IRAG1: variants seen among roughly 807,000 people sequenced by gnomAD.
The protein encoded by IRAG1 is inositol 1,4,5-triphosphate receptor associated 1.
A neutral mutation model predicts 106.2 loss-of-function variants in IRAG1; 62 were observed. The observed-to-expected ratio is 0.58, with a 90% confidence interval of 0.48 to 0.72. IRAG1 has a LOEUF of 0.72. IRAG1 is among the 30% of genes least tolerant of loss of function. The pLI is 0.00. For missense variants in IRAG1, 1,064 were observed against 1,140.7 expected, an observed-to-expected ratio of 0.93 and a Z score of 0.97; for synonymous variants, 462 against 443.9, an observed-to-expected ratio of 1.04 and a Z score of -0.51.
intron 18 of IRAG1, chr11:10,585,941 C>T (rs1262686893): frequency 6.6e-6 from 1 of 151,150 alleles, no homozygotes; most frequent in Admixed American, 6.6e-5. Flanking sequence ...GAACCCCCAC[C>T]TTTCTTTCAA....
intron 15 of IRAG1, among the ~76,000 whole-genome samples, chr11:10,599,273 A>G (rs1405323773): frequency 1.3e-5 from 2 of 152,260 alleles, no homozygotes; most frequent in Non-Finnish European, 2.9e-5. Flanking sequence ...TCTATATTCC[A>G]GTATTATATA....
At chr11:10,626,714 G>A in intron 8 of IRAG1, 131 bp from the exon 9 acceptor site, 1 of 1,080,948 alleles carries the variant, frequency 9.3e-7, no homozygotes. Flanking sequence ...TGTGTATGGG[G>A]TATGAGTGGA....
At chr11:10,672,687 T>C (rs2135120589) in intron 1 of IRAG1, among the ~76,000 whole-genome samples, 1 of 152,292 alleles carries the variant, frequency 6.6e-6, no homozygotes, top group Admixed American at 6.5e-5. Flanking sequence ...TCGACTAGGA[T>C]GTGAAGAAAC....
At chr11:10,673,959 A>T in intron 1 of IRAG1, among the ~76,000 whole-genome samples, 1 of 152,154 alleles carries the variant, frequency 6.6e-6, no homozygotes, top group Middle Eastern at 3.2e-3. Flanking sequence ...AGATGAAGGG[A>T]CAGGGACACG....
chr11:10,693,372 AC>A (rs747333665), intron 1 of IRAG1, 163 bp downstream of exon 1: 1 of 1,317,886 alleles, frequency 7.6e-7, no homozygotes, highest in Non-Finnish European at 1.0e-6. Context: ...TAAGACAGCA[AC>A]AATAAAGATA....
chr11:10,615,720 G>T (rs1197118379), intron 10 of IRAG1, among the ~76,000 whole-genome samples: 3 of 151,892 alleles, frequency 2.0e-5, no homozygotes, highest in Admixed American at 2.0e-4. Flanking sequence ...CTCATAGGCG[G>T]GAATTGAACA....
At chr11:10,604,135 C>A (rs1255198010) in intron 13 of IRAG1, among the ~76,000 whole-genome samples, 1 of 152,152 alleles carries the variant, frequency 6.6e-6, no homozygotes, top group Non-Finnish European at 1.5e-5. Flanking sequence ...ATCCCTGGCG[C>A]CTGAAAGTAG....
At chr11:10,675,794 C>T (rs1328919541) in intron 1 of IRAG1, among the ~76,000 whole-genome samples, 1 of 152,178 alleles carries the variant, frequency 6.6e-6, no homozygotes, top group Admixed American at 6.5e-5. Flanking sequence ...AAGAGTGCTG[C>T]GGTCTTTACT....
intron 1 of IRAG1, chr11:10,690,295 C>T (rs1308820486): frequency 1.2e-5 from 10 of 825,878 alleles, no homozygotes; most frequent in Non-Finnish European, 1.2e-5. Flanking sequence ...GAGGCTGAGG[C>T]ATGAGAATTG....
intron 1 of IRAG1, among the ~76,000 whole-genome samples, chr11:10,660,535 G>T (rs566126072): frequency 6.6e-6 from 1 of 152,156 alleles, no homozygotes; most frequent in Non-Finnish European, 1.5e-5. Context: ...AGAGCTGGCC[G>T]TGGAACATTG....
At position 10,574,643 on chromosome 11, in the gene IRAG1, AGAG is replaced by A. The variant is rs1232829296; in HGVS notation, c.*1686_*1688del. Reference sequence around the variant, plus strand: ...GGTCGAGAAGAGTGACCTGAAGAAAAGAGAAGAACAGCTGGAAAAAAAACTAGT... The same window carrying A: ...GGTCGAGAAGAGTGACCTGAAGAAAAAAGAACAGCTGGAAAAAAAACTAGT... On this transcript the variant is annotated 3_prime_UTR_variant, in exon 21 of 21. Transcript: ENST00000423302. 1 of 152,220 alleles carries A rather than the reference AGAG, an allele frequency of 6.6e-6. No homozygotes were observed. The highest frequency in any genetic ancestry group is 1.9e-4 in the East Asian group (1 of 5,204). 9.4% of individuals were successfully genotyped at this position (152,220 alleles called of 1,614,324 possible).
rs1350966497 is a variant in IRAG1 at position 10,574,232 on chromosome 11, T to C, written c.*2100A>G. On this transcript the variant is annotated 3_prime_UTR_variant, in exon 21 of 21. Transcript: ENST00000423302. ...ACTGAAAAACAGAATAAGCTGAGGT[T>C]AAGAAAGATGTTGCTTTTTGCATTG... The C allele has an allele frequency of 2.6e-5, 4 of 152,222 alleles. No homozygotes were observed. Among genetic ancestry groups the C allele is most frequent in the Non-Finnish European group, 4.4e-5 (3 of 68,056 alleles). 9.4% of individuals were successfully genotyped at this position (152,222 alleles called of 1,614,324 possible).
At chr11:10,680,554 GAAGGGGAAGGGGAAGGGA>G (rs1414375541) in intron 1 of IRAG1, among the ~76,000 whole-genome samples, 1 of 144,972 alleles carries the variant, frequency 6.9e-6, no homozygotes, top group Non-Finnish European at 1.5e-5. Context: ...AGGGGAAGGG[GAAGGGGAAGGGGAAGGGA>G]AATCTCCATT....
intron 18 of IRAG1, among the ~76,000 whole-genome samples, chr11:10,582,721 C>T (rs750872455): frequency 2.4e-4 from 36 of 152,004 alleles, no homozygotes; most frequent in Non-Finnish European, 4.6e-4. Context: ...TTTGGGAGGC[C>T]AAGGCGGGCG....
chr11:10,580,749 A>G (rs1851304289), intron 19 of IRAG1, among the ~76,000 whole-genome samples, 160 bp from the exon 20 acceptor site: 1 of 152,174 alleles, frequency 6.6e-6, no homozygotes, highest in South Asian at 2.1e-4. Flanking sequence ...CTGAATCCTA[A>G]GGCAGCTCAC....
At chr11:10,677,963 TC>T (rs1384388169) in intron 1 of IRAG1, among the ~76,000 whole-genome samples, 1 of 152,266 alleles carries the variant, frequency 6.6e-6, no homozygotes, top group African/African-American at 2.4e-5. Context: ...CATACTTCAT[TC>T]CTTTTTATGG....
intron 3 of IRAG1, 132 bp from the exon 4 acceptor site, chr11:10,632,193 T>A: frequency 7.9e-6 from 3 of 379,266 alleles, no homozygotes; most frequent in African/African-American, 2.2e-5. Context: ...TTTCTTTCTT[T>A]TTTTTTTTTT....
chr11:10,602,969 A>C (rs928092633), intron 14 of IRAG1, 151 bp downstream of exon 14: 2 of 900,714 alleles, frequency 2.2e-6, no homozygotes, highest in Middle Eastern at 3.5e-4. Context: ...TGCCAAAAAT[A>C]CTCTGAATAA....
At chr11:10,646,488 A>G (rs1236312320) in intron 2 of IRAG1, among the ~76,000 whole-genome samples, 1 of 152,068 alleles carries the variant, frequency 6.6e-6, no homozygotes, top group Non-Finnish European at 1.5e-5. Context: ...ATCAGTCCCT[A>G]TTTCTGAGCC....
Sources: gnomAD v4.1 joint callset for allele counts (sites outside exome capture counted in the v4.1 genomes callset) on GRCh38, gnomAD v4.1.1 for gene constraint, MANE v1.5 for transcripts, NCBI Gene and HGNC (gene_info 2026-07-23, HGNC 2026-07-21) for gene names.